ZMYND15: variants seen among roughly 807,000 people sequenced by gnomAD.
ZMYND15 encodes the protein zinc finger MYND domain-containing protein 15.
Under a neutral mutation model 81.7 loss-of-function variants are expected in ZMYND15, and 54 were observed. That is an observed-to-expected ratio of 0.66 (90% confidence interval 0.53 to 0.83). The LOEUF (loss-of-function observed/expected upper bound fraction) is 0.83. Ranked by LOEUF, ZMYND15 falls within the 40% of genes least tolerant of loss-of-function variation. The pLI is 0.00. For missense variants in ZMYND15, 925 were observed against 973.5 expected (o/e 0.95, Z 0.66); for synonymous variants, 399 against 387.0 (o/e 1.03, Z -0.36).
In ZMYND15 at chr17:4,743,707, A is replaced by G. The variant is rs8082690; in HGVS notation, c.1298-60A>G. ...AATACAGCCCCTTTGGAAGGAAGAA[A>G]GAGATGGGTCAGGTGGGGGTCTCCC... On this transcript the variant is annotated intron_variant, in intron 6 of 13. Coordinates refer to ENST00000433935, the MANE Select transcript of ZMYND15 (RefSeq NM_001136046.3). This position sits in a 1 kb window ranked among gnomAD's most constrained non-coding sequence, Gnocchi z 4.3. The G allele has an allele frequency of 0.65, 981,700 of 1,516,436 alleles. 319,718 individuals are homozygous for G. Among genetic ancestry groups the G allele is most frequent in the South Asian group, 0.78 (64,779 of 83,516 alleles). 93.9% of individuals were successfully genotyped at this position (1,516,436 alleles called of 1,614,324 possible).
Position 4,742,041 on chromosome 17 carries a change from G to A in ZMYND15, c.954G>A (p.Arg318=), listed in dbSNP as rs1274708682. 1.3e-5 allele frequency: 21 copies of A among 1,614,182 alleles called. No homozygotes were observed. Among genetic ancestry groups the A allele is most frequent in the Non-Finnish European group, 1.7e-5 (20 of 1,180,028 alleles). The stretch of plus-strand genomic sequence containing the variant: ...CTCGAACCTGCCATGTGTGTCACAG[G>A]CACAGCTTTGAAGCGAAGCTGACAC... ...LRARTCHVCH[R]HSFEAKLTPC... is the part of the protein sequence containing the mutation. The change falls in exon 4 of 14, where the codon AGG becomes AGA. Residue 318 remains arginine (R), a synonymous_variant. Transcript: ENST00000433935.
At position 4,743,521 on chromosome 17, in the gene ZMYND15, G is replaced by A. The variant is rs1353184089; in HGVS notation, c.1297+66G>A. The stretch of plus-strand genomic sequence containing the variant: ...GGGAAGGACTGGGAAGAAGTTGTCT[G>A]GGTCCCAGATGATCCCTCCACATAC... On this transcript the variant is annotated intron_variant, in intron 6 of 13. Transcript: ENST00000433935. The surrounding 1 kb of genome is among the most constrained non-coding windows in gnomAD (Gnocchi z 4.3). 6.3e-7 allele frequency: 1 copy of A among 1,591,986 alleles called. No individual in the cohort carries two copies. Among genetic ancestry groups the A allele is most frequent in the Admixed American group, 1.7e-5 (1 of 58,128 alleles).
In ZMYND15 at chr17:4,741,730, C is replaced by T; in HGVS notation, c.741C>T (p.Leu247=). ...ACCTGGCTCCTTGGGCCTATGCTCTCCTCTGTCACAGCATGGCCTGTCCCA... is the reference window on the plus strand; with the variant it reads ...ACCTGGCTCCTTGGGCCTATGCTCTTCTCTGTCACAGCATGGCCTGTCCCA... ...TKDLAPWAYA[L]LCHSMACPMG... is the part of the protein sequence containing the mutation. Residue 247 remains leucine (L), a synonymous_variant, in exon 3 of 14, where the codon CTC becomes CTT. Transcript: ENST00000433935. 1 of 1,612,186 alleles carries T rather than the reference C, an allele frequency of 6.2e-7. No individual in the cohort carries two copies. The highest frequency in any genetic ancestry group is 8.5e-7 in the Non-Finnish European group (1 of 1,178,806).
At position 4,740,057 on chromosome 17, in the gene ZMYND15, G is replaced by C; in HGVS notation, c.-31+7G>C. 2.0e-6 allele frequency: 2 copies of C among 985,998 alleles called. No homozygotes were observed. Among genetic ancestry groups the C allele is most frequent in the Non-Finnish European group, 2.4e-6 (2 of 830,370 alleles). The allele number at this position is 985,998 out of a possible 1,614,324, so 61.1% of individuals were successfully genotyped here. ...AAAGTGGTGGCGGCTGCAGGTACCG[G>C]AGGAGTGGGGCGGCCGGGAGGGGCT... On this transcript the variant is annotated splice_region_variant and intron_variant, in intron 1 of 13. Transcript: ENST00000433935.
In ZMYND15 at chr17:4,744,660, C is replaced by T; in HGVS notation, c.1719C>T (p.Gly573=). ...SLEVSVRPGS[G]ISARPSSGTK... ...AGGTGTCTGTCCGGCCTGGTTCCGG[C>T]ATATCAGCACGGCCCAGCTCTGGCA... Residue 573 remains glycine, a synonymous_variant, in exon 11 of 14, where the codon GGC becomes GGT. Transcript: ENST00000433935. The surrounding 1 kb of genome is among the most constrained non-coding windows in gnomAD (Gnocchi z 4.1). 6.2e-7 allele frequency: 1 copy of T among 1,613,484 alleles called. No individual in the cohort carries two copies. The highest frequency in any genetic ancestry group is 1.7e-5 in the Admixed American group (1 of 60,006).
rs575052082 is a variant in ZMYND15 at position 4,744,855 on chromosome 17, CCT to C, written c.1838-10_1838-9del. ...CCACCGTGGGAGCCAGCTTCTCCCT[CCT>C]CTCTGTCTGCAGGATTTAACTCCGG... On this transcript the variant is annotated splice_polypyrimidine_tract_variant and intron_variant, in intron 11 of 13. Coordinates refer to ENST00000433935, the MANE Select transcript of ZMYND15 (RefSeq NM_001136046.3). The surrounding 1 kb of genome is among the most constrained non-coding windows in gnomAD (Gnocchi z 4.1). 2,390 of 1,614,136 alleles carry C rather than the reference CCT, an allele frequency of 1.5e-3. 50 individuals are homozygous for C. In the Admixed American group the frequency reaches 0.037, roughly 25 times the overall value.
rs936861601 is a variant in ZMYND15 at position 4,745,614 on chromosome 17, C to A, written c.2058-205C>A. ...GAATCTCCCCAACCCACAAAAGACC[C>A]CGCGACCCTCCAACAGACCCAACCC... On this transcript the variant is annotated intron_variant, in intron 13 of 13. Coordinates refer to ENST00000433935, the MANE Select transcript of ZMYND15 (RefSeq NM_001136046.3). The surrounding 1 kb of genome is among the most constrained non-coding windows in gnomAD (Gnocchi z 5.2). 3.9e-5 allele frequency among the ~76,000 whole-genome samples: 6 copies of A among 152,020 alleles called. No homozygotes were observed. Among genetic ancestry groups the A allele is most frequent in the Non-Finnish European group, 8.8e-5 (6 of 67,996 alleles).
Position 4,740,963 on chromosome 17 carries a change from G to A in ZMYND15, c.415G>A (p.Val139Met). The stretch of plus-strand genomic sequence containing the variant: ...CGGGGGTGCAGGCAGCACAGAGAAG[G>A]TGGAACCAGAGGAGGACCGGGAGCT... ...EDGGAGSTEKVEPEEDRELAP... is the reference protein window; with the variant it reads ...EDGGAGSTEKMEPEEDRELAP... Residue 139 changes from valine (V) to methionine (M), a missense_variant, in exon 2 of 14, where the codon GTG becomes ATG. Coordinates refer to ENST00000433935, the MANE Select transcript of ZMYND15 (RefSeq NM_001136046.3). 6.4e-7 allele frequency: 1 copy of A among 1,572,302 alleles called. No individual in the cohort carries two copies. Among genetic ancestry groups the A allele is most frequent in the Non-Finnish European group, 8.6e-7 (1 of 1,158,134 alleles).
At position 4,740,846 on chromosome 17, in the gene ZMYND15, C is replaced by A; in HGVS notation, c.298C>A (p.Leu100Met). The change falls in exon 2 of 14, where the codon CTG (leucine) becomes ATG (methionine). Residue 100 changes from leucine (L) to methionine (M), a missense_variant. Transcript: ENST00000433935. ...GDNPPLHLRD[L>M]SPYISFVSLE... ...CAACCCTCCACTCCACCTGCGAGAC[C>A]TGAGCCCCTACATCAGCTTTGTCAG... The A allele has an allele frequency of 6.3e-7, 1 of 1,578,032 alleles. No individual in the cohort carries two copies. Among genetic ancestry groups the A allele is most frequent in the Non-Finnish European group, 8.6e-7 (1 of 1,159,320 alleles).
At position 4,744,798 on chromosome 17, in the gene ZMYND15, G is replaced by C; in HGVS notation, c.1837+20G>C. 2 of 1,614,152 alleles carry C rather than the reference G, an allele frequency of 1.2e-6. No individual in the cohort carries two copies. The highest frequency in any genetic ancestry group is 1.7e-6 in the Non-Finnish European group (2 of 1,180,022). ...TTATTGGTAAAAGCCTGGGTCTCAG[G>C]GTTAGGCATGTGGGGAAGGTGGGAG... On this transcript the variant is annotated intron_variant, in intron 11 of 13. Transcript: ENST00000433935. This position sits in a 1 kb window ranked among gnomAD's most constrained non-coding sequence, Gnocchi z 4.1.
Position 4,743,263 on chromosome 17 carries a change from C to T in ZMYND15, c.1145-40C>T. 1.9e-6 allele frequency: 3 copies of T among 1,573,578 alleles called. No homozygotes were observed. Among genetic ancestry groups the T allele is most frequent in the Non-Finnish European group, 2.6e-6 (3 of 1,162,362 alleles). ...CAAAAAAAAAAAAATGTCTGGGGTT[C>T]TAGCCCAGCACCTCAACTCCTCCCC... On this transcript the variant is annotated intron_variant, in intron 5 of 13. Transcript: ENST00000433935. The surrounding 1 kb of genome is among the most constrained non-coding windows in gnomAD (Gnocchi z 4.3).
In ZMYND15 at chr17:4,744,072, T is replaced by A; in HGVS notation, c.1460T>A (p.Val487Glu). 1 of 1,569,492 alleles carries A rather than the reference T, an allele frequency of 6.4e-7. No homozygotes were observed. Among genetic ancestry groups the A allele is most frequent in the Non-Finnish European group, 8.6e-7 (1 of 1,156,728 alleles). Residue 487 changes from valine to glutamate, a missense_variant, in exon 8 of 14, where the codon GTG becomes GAG. Coordinates refer to ENST00000433935, the MANE Select transcript of ZMYND15 (RefSeq NM_001136046.3). The surrounding 1 kb of genome is among the most constrained non-coding windows in gnomAD (Gnocchi z 4.1). ...IAVLLTYPLT[V>E]YYVITHLVPQ... is the part of the protein sequence containing the mutation. ...GTGCTTCTCACCTACCCGCTGACCG[T>A]GTACTACGTCATCACCCACCTGGTG...
Position 4,742,408 on chromosome 17 carries a change from G to A in ZMYND15, c.1061G>A (p.Ser354Asn). 2 of 1,614,184 alleles carry A rather than the reference G, an allele frequency of 1.2e-6. No homozygotes were observed. The highest frequency in any genetic ancestry group is 1.7e-6 in the Non-Finnish European group (2 of 1,180,038). ...ADWQRCPDDV[S>N]HRFWCPRLAA... ...TGGCAGCGGTGCCCAGATGATGTGA[G>A]TCACCGATTTTGGTGCCCAAGGCTT... Residue 354 changes from serine to asparagine, a missense_variant, in exon 5 of 14, where the codon AGT (serine) becomes AAT (asparagine). Ser to Asn is a conservative substitution (Grantham distance 46, BLOSUM62 1). Transcript: ENST00000433935.
In ZMYND15 at chr17:4,745,803, C is replaced by A; in HGVS notation, c.2058-16C>A. 2 of 1,583,450 alleles carry A rather than the reference C, an allele frequency of 1.3e-6. No homozygotes were observed. The highest frequency in any genetic ancestry group is 1.7e-6 in the Non-Finnish European group (2 of 1,167,970). ...TCCCGCCCCGTGGTCCCTGACTGCG[C>A]CCCGCGCCCCCGCAGGTACTGCAAT... On this transcript the variant is annotated splice_polypyrimidine_tract_variant and intron_variant, in intron 13 of 13. Coordinates refer to ENST00000433935, the MANE Select transcript of ZMYND15 (RefSeq NM_001136046.3). This position sits in a 1 kb window ranked among gnomAD's most constrained non-coding sequence, Gnocchi z 5.2.
At position 4,741,074 on chromosome 17, in the gene ZMYND15, G is replaced by A; in HGVS notation, c.526G>A (p.Asp176Asn). The A allele has an allele frequency of 6.5e-7, 1 of 1,545,114 alleles. No individual in the cohort carries two copies. Among genetic ancestry groups the A allele is most frequent in the Non-Finnish European group, 8.7e-7 (1 of 1,143,214 alleles). ...EAAREAGGGK[D>N]GCREDRVENE... is the part of the protein sequence containing the mutation. ...TGCCCGGGAGGCAGGAGGTGGCAAG[G>A]ATGGCTGCCGAGAGGACAGGGTGGA... The change falls in exon 2 of 14, where the codon GAT (aspartate) becomes AAT (asparagine). Residue 176 changes from aspartate (D) to asparagine (N), a missense_variant. Physicochemically the swap from Asp to Asn is conservative, Grantham distance 23 (BLOSUM62 1). Transcript: ENST00000433935.
rs1005104896 is a variant in ZMYND15 at position 4,744,735 on chromosome 17, G to A, written c.1794G>A (p.Arg598=). 10 of 1,614,046 alleles carry A rather than the reference G, an allele frequency of 6.2e-6. No homozygotes were observed. In the African/African-American group the frequency reaches 1.1e-4, roughly 17 times the overall value. ...ACCTGCAGATCAAGGTGTCAGCAAG[G>A]CCCTACCACCTGTTCCAGGGGCCCA... ...RRDLQIKVSA[R]PYHLFQGPKP... The change falls in exon 11 of 14, where the codon AGG becomes AGA. Residue 598 remains arginine, a synonymous_variant. Coordinates refer to ENST00000433935, the MANE Select transcript of ZMYND15 (RefSeq NM_001136046.3). This position sits in a 1 kb window ranked among gnomAD's most constrained non-coding sequence, Gnocchi z 4.1.
At chr17:4,742,133 T>C (rs1310505003) in intron 4 of ZMYND15, 63 bp downstream of exon 4, 2 of 1,598,720 alleles carry the variant, frequency 1.3e-6, no homozygotes, top group East Asian at 2.2e-5. Flanking sequence ...GAAGGCAGGG[T>C]GGTGGGGGGC....
chr17:4,740,596 C>A lies in ZMYND15; in HGVS notation c.48C>A (p.Ala16=). Residue 16 remains alanine (A), a synonymous_variant, in exon 2 of 14, where the codon GCC becomes GCA. Transcript: ENST00000433935. The stretch of plus-strand genomic sequence containing the variant: ...GGGATGAGTTCCTTGATTTCACTGC[C>A]CTTCTCTTCGGCTGGTTCCGAAAGT... ...GYRDEFLDFT[A]LLFGWFRKFV... The A allele has an allele frequency of 6.2e-7, 1 of 1,610,278 alleles. No individual in the cohort carries two copies. The highest frequency in any genetic ancestry group is 1.1e-5 in the South Asian group (1 of 90,830).
chr17:4,745,448 C>T lies in ZMYND15; in HGVS notation c.2057+73C>T. 5 of 1,511,014 alleles carry T rather than the reference C, an allele frequency of 3.3e-6. No individual in the cohort carries two copies. The highest frequency in any genetic ancestry group is 1.3e-5 in the South Asian group (1 of 77,158). The allele number at this position is 1,511,014 out of a possible 1,614,324, so 93.6% of individuals were successfully genotyped here. A position where few individuals can be genotyped will look rare whatever the true frequency, so the allele number is the denominator to read the frequency against. The stretch of plus-strand genomic sequence containing the variant: ...CTCTCTGGCTCCACATCCTCGAAGG[C>T]CCACCTCTACCCTAGTCCCTGCTGT... On this transcript the variant is annotated intron_variant, in intron 13 of 13. Transcript: ENST00000433935. The surrounding 1 kb of genome is among the most constrained non-coding windows in gnomAD (Gnocchi z 5.2).
Sources: allele counts gnomAD v4.1 joint callset (sites outside exome capture counted in the v4.1 genomes callset), GRCh38; gene constraint gnomAD v4.1.1; non-coding constraint Gnocchi (gnomAD v3.1); transcripts MANE v1.5; gene names NCBI Gene and HGNC (gene_info 2026-07-23, HGNC 2026-07-21).